SEMA6D: variants seen among roughly 807,000 people sequenced by gnomAD.
SEMA6D encodes the protein semaphorin 6D.
A neutral mutation model predicts 106.6 loss-of-function variants in SEMA6D; 35 were observed. The observed-to-expected ratio is 0.33, with a 90% confidence interval of 0.25 to 0.44. SEMA6D has a LOEUF of 0.44. Ranked by LOEUF, SEMA6D falls within the 20% of genes least tolerant of loss-of-function variation. The pLI is 1.00. For synonymous variants in SEMA6D, 499 were observed against 487.7 expected (o/e 1.02, Z -0.31); for missense variants, 1,185 against 1,345.9 (o/e 0.88, Z 1.87).
intron 1 of SEMA6D, among the ~76,000 whole-genome samples, chr15:47,234,385 T>C (rs181016613): frequency 6.6e-6 from 1 of 152,056 alleles, no homozygotes; most frequent in Admixed American, 6.6e-5. Flanking sequence ...CAAATGGTTT[T>C]TGGTTACATG....
At chr15:47,280,318 G>A (rs1280486361) in intron 1 of SEMA6D, among the ~76,000 whole-genome samples, 9 of 151,758 alleles carry the variant, frequency 5.9e-5, no homozygotes, top group African/African-American at 2.2e-4. Context: ...TTTGCGTAGA[G>A]GTGTTTGTAG....
intron 4 of SEMA6D, among the ~76,000 whole-genome samples, chr15:47,620,353 C>T (rs141417215): frequency 6.6e-6 from 1 of 152,140 alleles, no homozygotes; most frequent in African/African-American, 2.4e-5. Context: ...CTCCTCACAC[C>T]CTCTGGAGGC....
chr15:47,769,514 T>C (rs1367496575), intron 18 of SEMA6D, among the ~76,000 whole-genome samples: 4 of 152,186 alleles, frequency 2.6e-5, no homozygotes, highest in Admixed American at 6.5e-5. Context: ...CTTTTCTTTC[T>C]CGGTCTTTCA....
At chr15:47,421,678 A>C (rs1286734540) in intron 2 of SEMA6D, among the ~76,000 whole-genome samples, 1 of 151,922 alleles carries the variant, frequency 6.6e-6, no homozygotes, top group Admixed American at 6.6e-5. Flanking sequence ...ATGGGGAGGT[A>C]TTAGGAGACT....
intron 2 of SEMA6D, among the ~76,000 whole-genome samples, chr15:47,469,963 C>A (rs753618122): frequency 6.6e-6 from 1 of 152,020 alleles, no homozygotes; most frequent in African/African-American, 2.4e-5. Context: ...TCACAACTTG[C>A]TCCTCACAGT....
chr15:47,284,685 T>C (rs923036057), intron 1 of SEMA6D, among the ~76,000 whole-genome samples: 1 of 152,194 alleles, frequency 6.6e-6, no homozygotes, highest in African/African-American at 2.4e-5. Flanking sequence ...TATTGTCGGT[T>C]TTGCATTGTT....
chr15:47,540,052 G>GTGTGTGTGTT (rs1315430655), intron 3 of SEMA6D, among the ~76,000 whole-genome samples: 1 of 152,084 alleles, frequency 6.6e-6, no homozygotes, highest in East Asian at 1.9e-4. Context: ...AGCTGTGTGT[G>GTGTGTGTGTT]TGTGTGTGTT....
intron 1 of SEMA6D, among the ~76,000 whole-genome samples, chr15:47,345,095 A>G (rs542171333): frequency 6.8e-4 from 104 of 152,316 alleles, no homozygotes; most frequent in Non-Finnish European, 8.4e-4. Context: ...AAATAGGTAA[A>G]TATACTGTAT....
At chr15:47,315,946 C>T (rs932952320) in intron 1 of SEMA6D, among the ~76,000 whole-genome samples, 1 of 151,614 alleles carries the variant, frequency 6.6e-6, no homozygotes, top group Non-Finnish European at 1.5e-5. Flanking sequence ...TCTCCTGAAA[C>T]CTTCCTGTAT....
intron 1 of SEMA6D, among the ~76,000 whole-genome samples, chr15:47,373,221 T>G (rs557299163): frequency 6.3e-4 from 96 of 152,300 alleles, no homozygotes; most frequent in Non-Finnish European, 5.3e-4. Context: ...CAGGTGCTGT[T>G]GATATGGCCC....
chr15:47,398,544 G>A (rs1390782928), intron 1 of SEMA6D, among the ~76,000 whole-genome samples: 1 of 152,156 alleles, frequency 6.6e-6, no homozygotes, highest in East Asian at 1.9e-4. Flanking sequence ...TCCTGGAAAT[G>A]CTGATGAAAT....
At chr15:47,289,767 T>A (rs763842548) in intron 1 of SEMA6D, among the ~76,000 whole-genome samples, 2 of 151,976 alleles carry the variant, frequency 1.3e-5, no homozygotes, top group African/African-American at 2.4e-5. Flanking sequence ...TAGGGCATTA[T>A]GAGCAGACAC....
intron 1 of SEMA6D, among the ~76,000 whole-genome samples, chr15:47,265,738 G>T (rs1319163291): frequency 6.6e-6 from 1 of 151,886 alleles, no homozygotes; most frequent in South Asian, 2.1e-4. Flanking sequence ...TAGCCATTTG[G>T]GGTACCGATT....
At position 47,679,914 on chromosome 15, in the gene SEMA6D, T is replaced by A. The variant is rs569062275; in HGVS notation, c.-55+79018T>A. Among the ~76,000 whole-genome samples the A allele has an allele frequency of 8.5e-5, 13 of 152,288 alleles. No individual in the cohort carries two copies. In the South Asian group the frequency reaches 2.5e-3, roughly 29 times the overall value. Reference sequence around the variant, plus strand: ...GTGGCCACCCAGATTGTCTCATGTCTCCAAGCTATTAAATGACAAAAGTGG... The same window carrying A: ...GTGGCCACCCAGATTGTCTCATGTCACCAAGCTATTAAATGACAAAAGTGG... On this transcript the variant is annotated intron_variant, in intron 4 of 19. Coordinates refer to the SEMA6D transcript ENST00000558014.
At chr15:47,406,245 G>A (rs890685223) in intron 1 of SEMA6D, among the ~76,000 whole-genome samples, 6 of 152,296 alleles carry the variant, frequency 3.9e-5, no homozygotes, top group Admixed American at 2.0e-4. Flanking sequence ...TGAACATAGC[G>A]AGGGCAACAA....
At chr15:47,653,731 T>A (rs1413552163) in intron 4 of SEMA6D, among the ~76,000 whole-genome samples, 1 of 152,266 alleles carries the variant, frequency 6.6e-6, no homozygotes, top group Non-Finnish European at 1.5e-5. Flanking sequence ...TTCTTAGTAG[T>A]AAAAATGTAT....
chr15:47,526,862 G>A (rs1227394627), intron 3 of SEMA6D, among the ~76,000 whole-genome samples: 2 of 151,930 alleles, frequency 1.3e-5, no homozygotes, highest in African/African-American at 2.4e-5. Context: ...TCAGCCTCCC[G>A]AGTAGCTGAG....
At chr15:47,254,605 T>C (rs1378356540) in intron 1 of SEMA6D, among the ~76,000 whole-genome samples, 1 of 151,974 alleles carries the variant, frequency 6.6e-6, no homozygotes, top group African/African-American at 2.4e-5. Context: ...TGTACCTAAT[T>C]TGTTGAGTGT....
intron 3 of SEMA6D, among the ~76,000 whole-genome samples, chr15:47,559,498 A>G (rs2046014733): frequency 6.6e-6 from 1 of 152,076 alleles, no homozygotes. Flanking sequence ...CATGCTGGAG[A>G]ATTATACATA....
Sources: gnomAD v4.1 joint callset for allele counts (sites outside exome capture counted in the v4.1 genomes callset) on GRCh38, gnomAD v4.1.1 for gene constraint, MANE v1.5 for transcripts, NCBI Gene and HGNC (gene_info 2026-07-23, HGNC 2026-07-21) for gene names.